Variants in PTPRD observed in about 807,000 individuals in gnomAD.
PTPRD encodes protein tyrosine phosphatase receptor type D, also known as receptor-type tyrosine-protein phosphatase delta.
PTPRD carries 34 observed loss-of-function variants against 214.5 expected under a neutral mutation model. The observed-to-expected ratio is 0.16, with a 90% CI of 0.12 to 0.21. PTPRD has a LOEUF of 0.21. Among genes scored for constraint, PTPRD ranks in the 10% least tolerant of loss-of-function variants. The pLI, the probability that PTPRD is intolerant of heterozygous loss-of-function variation, is 1.00. For missense variants in PTPRD, 2,545 were observed against 2,398.7 expected (o/e 1.06, Z -1.27); for synonymous variants, 1,128 against 845.7 (o/e 1.33, Z -5.79).
intron 8 of PTPRD, among the ~76,000 whole-genome samples, chr9:9,502,303 A>G (rs1480877784): frequency 6.6e-6 from 1 of 151,744 alleles, no homozygotes; most frequent in Non-Finnish European, 1.5e-5. Flanking sequence ...GGCAACCACC[A>G]TTATACGCTC....
chr9:8,372,383 C>G (rs2081821774), intron 39 of PTPRD, among the ~76,000 whole-genome samples: 1 of 151,978 alleles, frequency 6.6e-6, no homozygotes, highest in East Asian at 1.9e-4. Flanking sequence ...CATGCACTGT[C>G]TCAAGTGCTT....
intron 5 of PTPRD, among the ~76,000 whole-genome samples, chr9:9,857,072 G>A (rs1051616113): frequency 3.3e-5 from 5 of 152,050 alleles, no homozygotes; most frequent in Admixed American, 6.6e-5. Context: ...AGCTTTGTGC[G>A]GGCCCCGGGG....
At chr9:9,948,509 TA>T (rs2093069570) in intron 4 of PTPRD, among the ~76,000 whole-genome samples, 1 of 151,978 alleles carries the variant, frequency 6.6e-6, no homozygotes, top group African/African-American at 2.4e-5. Context: ...TAAAGGATAA[TA>T]AAAGTAAAAT....
At chr9:10,284,051 C>A (rs1042103725) in intron 3 of PTPRD, among the ~76,000 whole-genome samples, 1 of 152,132 alleles carries the variant, frequency 6.6e-6, no homozygotes, top group African/African-American at 2.4e-5. Context: ...AGACTAGATG[C>A]ACTCTCTGCT....
chr9:9,594,018 T>C lies in PTPRD; in HGVS notation c.-286-19237A>G, dbSNP rs986312491. Among the ~76,000 whole-genome samples the C allele has an allele frequency of 2.6e-5, 4 of 152,186 alleles. No individual in the cohort carries two copies. The South Asian group carries it at 8.3e-4, about 31-fold the overall frequency. On this transcript the variant is annotated intron_variant, in intron 7 of 45. Coordinates refer to ENST00000381196, the MANE Select transcript of PTPRD (RefSeq NM_002839.4). ...ATAGGATAGTACAGTGGTACTTGTA[T>C]GTGGACAATGGACGATAGTTAATGA...
At chr9:10,387,163 C>G (rs10732321) in intron 2 of PTPRD, among the ~76,000 whole-genome samples, 132,290 of 151,824 alleles carry the variant, frequency 0.87, 57,661 homozygotes, top group African/African-American at 0.91. Flanking sequence ...CTGAGCTCAC[C>G]AAATGTAAGG....
chr9:8,809,033 G>C (rs2096746838), intron 11 of PTPRD, among the ~76,000 whole-genome samples: 1 of 152,066 alleles, frequency 6.6e-6, no homozygotes, highest in Non-Finnish European at 1.5e-5. Flanking sequence ...AGAGACCACT[G>C]TCCAGTGAAA....
intron 14 of PTPRD, among the ~76,000 whole-genome samples, chr9:8,584,653 A>G (rs1214536526): frequency 6.6e-6 from 1 of 152,196 alleles, no homozygotes; most frequent in African/African-American, 2.4e-5. Flanking sequence ...TCTGGTTAAG[A>G]AATCTACCCC....
chr9:10,049,407 A>AGAAAGAAAGAAAGAAAGAAAGAAAGAAAG (rs1266009020), intron 3 of PTPRD, among the ~76,000 whole-genome samples: 1 of 115,696 alleles, frequency 8.6e-6, no homozygotes, highest in Non-Finnish European at 1.7e-5. Context: ...TTAAAAAAAA[A>AGAAAGAAAGAAAGAAAGAAAGAAAGAAAG]AAAGAAAGAA....
chr9:10,100,911 C>G (rs1438752558), intron 3 of PTPRD, among the ~76,000 whole-genome samples: 2 of 151,598 alleles, frequency 1.3e-5, no homozygotes, highest in East Asian at 3.9e-4. Context: ...AGGCAGCATA[C>G]TGAGATAACG....
At chr9:9,313,061 A>G (rs1445770313) in intron 9 of PTPRD, among the ~76,000 whole-genome samples, 1 of 152,062 alleles carries the variant, frequency 6.6e-6, no homozygotes, top group Non-Finnish European at 1.5e-5. Context: ...TCAATGTTTA[A>G]TATTTGATGC....
At chr9:8,332,538 A>G (rs1842490934) in intron 43 of PTPRD, among the ~76,000 whole-genome samples, 1 of 111,030 alleles carries the variant, frequency 9.0e-6, no homozygotes, top group Non-Finnish European at 2.4e-5. Context: ...ATAAACCAAA[A>G]GGTAGAAAAA....
chr9:10,190,590 C>A (rs926154957), intron 3 of PTPRD, among the ~76,000 whole-genome samples: 4 of 150,574 alleles, frequency 2.7e-5, no homozygotes, highest in Non-Finnish European at 4.4e-5. Flanking sequence ...TGATGGTGGG[C>A]GCCTGTAATT....
At chr9:9,684,174 A>G (rs2097127249) in intron 7 of PTPRD, among the ~76,000 whole-genome samples, 1 of 151,710 alleles carries the variant, frequency 6.6e-6, no homozygotes, top group Non-Finnish European at 1.5e-5. Flanking sequence ...TTAAAAAAAA[A>G]GACCTTTTAA....
chr9:9,457,062 T>C (rs1476954760), intron 8 of PTPRD, among the ~76,000 whole-genome samples: 2 of 151,918 alleles, frequency 1.3e-5, no homozygotes, highest in Non-Finnish European at 1.5e-5. Context: ...AGTTGTCTCC[T>C]AGGATCAGTA....
At chr9:9,874,882 C>G (rs764226603) in intron 5 of PTPRD, among the ~76,000 whole-genome samples, 3 of 152,038 alleles carry the variant, frequency 2.0e-5, no homozygotes, top group Non-Finnish European at 4.4e-5. Context: ...AGTCTGTAGG[C>G]TAGAAATATA....
At chr9:9,071,255 C>T (rs1203451312) in intron 10 of PTPRD, among the ~76,000 whole-genome samples, 1 of 152,126 alleles carries the variant, frequency 6.6e-6, no homozygotes, top group African/African-American at 2.4e-5. Flanking sequence ...CAATGCTCTC[C>T]CCTTGAGTTT....
chr9:8,571,042 C>T (rs1362274706), intron 14 of PTPRD, among the ~76,000 whole-genome samples: 1 of 151,944 alleles, frequency 6.6e-6, no homozygotes, highest in African/African-American at 2.4e-5. Flanking sequence ...ACATGGCTTC[C>T]ACTGAGTGCC....
chr9:8,781,189 G>T (rs1284943462), intron 11 of PTPRD, among the ~76,000 whole-genome samples: 1 of 152,138 alleles, frequency 6.6e-6, no homozygotes, highest in Non-Finnish European at 1.5e-5. Flanking sequence ...AATGATACAA[G>T]AAAGAGAATT....
Sources: gnomAD v4.1 joint callset for allele counts (sites outside exome capture counted in the v4.1 genomes callset) on GRCh38, gnomAD v4.1.1 for gene constraint, MANE v1.5 for transcripts, NCBI Gene and HGNC (gene_info 2026-07-23, HGNC 2026-07-21) for gene names.